ZFR2: variants seen among roughly 807,000 people sequenced by gnomAD.
ZFR2 encodes zinc finger RNA-binding protein 2.
In ZFR2, 104 loss-of-function variants were observed where a neutral mutation model predicts 105.7. The observed-to-expected ratio is 0.98, with a 90% confidence interval of 0.84 to 1.16. The LOEUF is 1.16. ZFR2 is among the 50% of genes most tolerant of loss of function. The probability of loss-of-function intolerance (pLI) is 0.00; values close to 1 mark genes in which losing one functional copy is unlikely to be tolerated. For synonymous variants in ZFR2, 634 were observed against 597.7 expected (o/e 1.06, Z -0.89); for missense variants, 1,425 against 1,355.5 (o/e 1.05, Z -0.80).
In ZFR2 at chr19:3,843,301, T is replaced by C. The variant is rs765475080; in HGVS notation, c.54-8318A>G. 1.7e-4 allele frequency among the ~76,000 whole-genome samples: 25 copies of C among 151,120 alleles called. 1 individual carries two copies. Among genetic ancestry groups the C allele is most frequent in the Admixed American group, 1.5e-3 (22 of 15,088 alleles). On this transcript the variant is annotated intron_variant, in intron 1 of 18. Coordinates refer to ENST00000262961, the MANE Select transcript of ZFR2 (RefSeq NM_015174.2). ...GCCTGGCCAACATGGTGAAACCCTGTCTCTACTAAAAATACAAAAAATAAC... is the reference window on the plus strand; with the variant it reads ...GCCTGGCCAACATGGTGAAACCCTGCCTCTACTAAAAATACAAAAAATAAC...
chr19:3,839,239 G>A (rs1007180873), intron 1 of ZFR2, among the ~76,000 whole-genome samples: 1 of 152,026 alleles, frequency 6.6e-6, no homozygotes, highest in African/African-American at 2.4e-5. Flanking sequence ...AAGTCGATTA[G>A]GAAAGTGGTC....
chr19:3,831,493 G>A lies in ZFR2; in HGVS notation c.662C>T (p.Ala221Val), dbSNP rs1369065740. The change falls in exon 5 of 19, where the codon GCG (alanine) becomes GTG (valine). Residue 221 changes from alanine to valine, a missense_variant. Ala to Val is a moderately conservative substitution (Grantham distance 64). Transcript: ENST00000262961. ...YSAASPFYPPAQPPPPPGPPQ... is the reference protein window; with the variant it reads ...YSAASPFYPPVQPPPPPGPPQ... ...GGGTCCCGGGGGAGGCGGGGGCTGC[G>A]CTGGAGGATAGAAAGGGCTGGCAGC... 26 of 1,551,524 alleles carry A rather than the reference G, an allele frequency of 1.7e-5. No homozygotes were observed. The highest frequency in any genetic ancestry group is 3.9e-5 in the Admixed American group (2 of 51,062).
At chr19:3,819,466 A>G (rs912394659) in intron 11 of ZFR2, among the ~76,000 whole-genome samples, 2 of 152,150 alleles carry the variant, frequency 1.3e-5, no homozygotes, top group Non-Finnish European at 2.9e-5. Context: ...AATGGGGGGA[A>G]ACTCCGCCAC....
intron 1 of ZFR2, among the ~76,000 whole-genome samples, chr19:3,853,254 C>G (rs187687187): frequency 8.5e-5 from 13 of 152,170 alleles, no homozygotes; most frequent in Non-Finnish European, 1.8e-4. Flanking sequence ...AGGCCCACAG[C>G]CCTCCCCGGG....
intron 1 of ZFR2, among the ~76,000 whole-genome samples, chr19:3,848,106 C>T (rs1047724041): frequency 7.2e-5 from 11 of 152,204 alleles, no homozygotes; most frequent in African/African-American, 2.4e-4. Flanking sequence ...GACCTGCTGC[C>T]TCTTTTGTAT....
In ZFR2 at chr19:3,823,295, G is replaced by A. The variant is rs761008204; in HGVS notation, c.1322C>T (p.Pro441Leu). The A allele has an allele frequency of 6.2e-7, 1 of 1,614,008 alleles. No individual in the cohort carries two copies. The highest frequency in any genetic ancestry group is 1.7e-5 in the Admixed American group (1 of 60,024). Residue 441 changes from proline to leucine, a missense_variant, in exon 8 of 19, where the codon CCC becomes CTC. Physicochemically the swap from Pro to Leu is moderately conservative, Grantham distance 98. Coordinates refer to ENST00000262961, the MANE Select transcript of ZFR2 (RefSeq NM_015174.2). This position sits in a 1 kb window ranked among gnomAD's most constrained non-coding sequence, Gnocchi z 5.4. ...CGGCTGCGCATCAGAGCAGCCCGCGGGAGCTTCCTTTGAGCCTCCTTGGGT... is the reference window on the plus strand; with the variant it reads ...CGGCTGCGCATCAGAGCAGCCCGCGAGAGCTTCCTTTGAGCCTCCTTGGGT... ...APTQGGSKEAPAGCSDAQPVG... is the reference protein window; with the variant it reads ...APTQGGSKEALAGCSDAQPVG...
intron 16 of ZFR2, among the ~76,000 whole-genome samples, chr19:3,810,178 G>C (rs909393398): frequency 2.6e-5 from 4 of 152,196 alleles, no homozygotes; most frequent in African/African-American, 9.6e-5. Flanking sequence ...GCGGGGGGGA[G>C]GCCGGGTGTG....
In ZFR2 at chr19:3,807,213, T is replaced by C. The variant is rs764240875; in HGVS notation, c.2602A>G (p.Met868Val). ...ACGTCTTCCCGCTCTTGGAGGGTCATGGGCTCGAGGGCATCTGTCTGGTCT... is the reference window on the plus strand; with the variant it reads ...ACGTCTTCCCGCTCTTGGAGGGTCACGGGCTCGAGGGCATCTGTCTGGTCT... The part of the protein sequence containing the change: ...ERDQTDALEP[M>V]TLQEREDVTA... Residue 868 changes from methionine to valine, a missense_variant, in exon 18 of 19, where the codon ATG becomes GTG. Coordinates refer to ENST00000262961, the MANE Select transcript of ZFR2 (RefSeq NM_015174.2). 29 of 1,560,138 alleles carry C rather than the reference T, an allele frequency of 1.9e-5. No individual in the cohort carries two copies. The highest frequency in any genetic ancestry group is 2.4e-5 in the Non-Finnish European group (28 of 1,151,520).
chr19:3,819,311 G>C (rs1474711025), intron 11 of ZFR2, 76 bp from the exon 12 acceptor site: 1 of 1,407,486 alleles, frequency 7.1e-7, no homozygotes, highest in African/African-American at 1.5e-5. Context: ...GGGCAGGTGG[G>C]GGCAGGTGGC....
Position 3,813,453 on chromosome 19 carries a change from C to T in ZFR2, c.2242+367G>A, listed in dbSNP as rs764500168. Among the ~76,000 whole-genome samples the T allele has an allele frequency of 3.9e-5, 6 of 152,176 alleles. No homozygotes were observed. Among genetic ancestry groups the T allele is most frequent in the African/African-American group, 9.6e-5 (4 of 41,458 alleles). On this transcript the variant is annotated intron_variant, in intron 14 of 18. Coordinates refer to ENST00000262961, the MANE Select transcript of ZFR2 (RefSeq NM_015174.2). This position sits in a 1 kb window ranked among gnomAD's most constrained non-coding sequence, Gnocchi z 4.4. ...GGACAGAGTCAAACTGAGCTTCTGC[C>T]GTGACCCAGGGGAAATGGCTCAGAC...
chr19:3,822,138 G>T lies in ZFR2; in HGVS notation c.1434C>A (p.Asn478Lys). Reference protein sequence around the residue: ...FHCKLCECSFNDLNAKDLHVR... With the variant: ...FHCKLCECSFKDLNAKDLHVR... ...CGTGCAGGTCCTTCGCGTTAAGGTCGTTGAAACTGCACTCGCACAGCTTGC... is the reference window on the plus strand; with the variant it reads ...CGTGCAGGTCCTTCGCGTTAAGGTCTTTGAAACTGCACTCGCACAGCTTGC... The change falls in exon 9 of 19, where the codon AAC becomes AAA. Residue 478 changes from asparagine (N) to lysine (K), a missense_variant. Physicochemically the swap from Asn to Lys is moderately conservative, Grantham distance 94. Transcript: ENST00000262961. The T allele has an allele frequency of 6.2e-7, 1 of 1,610,226 alleles. No homozygotes were observed. The highest frequency in any genetic ancestry group is 8.5e-7 in the Non-Finnish European group (1 of 1,178,580).
At position 3,831,746 on chromosome 19, in the gene ZFR2, G is replaced by A. The variant is rs1222999263; in HGVS notation, c.512C>T (p.Ala171Val). The change falls in exon 4 of 19, where the codon GCG (alanine) becomes GTG (valine). Residue 171 changes from alanine to valine, a missense_variant. Coordinates refer to ENST00000262961, the MANE Select transcript of ZFR2 (RefSeq NM_015174.2). ...TGACGACTCGGGCTGGACGCCTGTCGCCGTGGGGTAGGTGTATCCCGAGGA... is the reference window on the plus strand; with the variant it reads ...TGACGACTCGGGCTGGACGCCTGTCACCGTGGGGTAGGTGTATCCCGAGGA... ...TLSSGYTYPT[A>V]TGVQPESSAS... 6.2e-6 allele frequency: 10 copies of A among 1,606,680 alleles called. No individual in the cohort carries two copies. Among genetic ancestry groups the A allele is most frequent in the Non-Finnish European group, 8.5e-6 (10 of 1,176,990 alleles).
intron 16 of ZFR2, among the ~76,000 whole-genome samples, chr19:3,809,870 G>A (rs1197046234): frequency 1.3e-5 from 2 of 152,194 alleles, no homozygotes; most frequent in African/African-American, 4.8e-5. Flanking sequence ...CTTGAGCCCA[G>A]GAGGCAGAAG....
chr19:3,868,963 A>C lies in ZFR2; in HGVS notation c.53+2T>G. ...CGGGGGCTGGCGCGGCGGGGCAGTT[A>C]CCTGTACTGCGGGCCGCCGCCCTGC... is the stretch of plus-strand genomic sequence containing the variant. On this transcript the variant is annotated splice_donor_variant, in intron 1 of 18. Coordinates refer to ENST00000262961, the MANE Select transcript of ZFR2 (RefSeq NM_015174.2). LOFTEE classifies it high-confidence loss of function. The C allele has an allele frequency of 7.5e-7, 1 of 1,334,914 alleles. No homozygotes were observed. The highest frequency in any genetic ancestry group is 9.7e-7 in the Non-Finnish European group (1 of 1,033,586). The allele number at this position is 1,334,914 out of a possible 1,614,324, so 82.7% of individuals were successfully genotyped here.
At chr19:3,852,529 C>T (rs1022556328) in intron 1 of ZFR2, 19 of 718,464 alleles carry the variant, frequency 2.6e-5, no homozygotes, top group African/African-American at 2.1e-4. Flanking sequence ...GCAGTCACAG[C>T]GTCACTTCCA....
chr19:3,855,780 C>T (rs1225202627), intron 1 of ZFR2, among the ~76,000 whole-genome samples: 6 of 151,948 alleles, frequency 3.9e-5, no homozygotes, highest in Admixed American at 2.6e-4. Context: ...ATGGGAAGGG[C>T]CTGAGGGTGA....
At chr19:3,847,964 G>A (rs1316926814) in intron 1 of ZFR2, among the ~76,000 whole-genome samples, 2 of 152,340 alleles carry the variant, frequency 1.3e-5, no homozygotes, top group East Asian at 3.9e-4. Flanking sequence ...GAGACTGGGA[G>A]GACACCCACA....
intron 1 of ZFR2, among the ~76,000 whole-genome samples, chr19:3,846,943 T>C (rs2038190312): frequency 6.6e-6 from 1 of 152,222 alleles, no homozygotes; most frequent in Non-Finnish European, 1.5e-5. Flanking sequence ...GGGACGGGCT[T>C]CGGGCTTCTG....
At chr19:3,826,647 A>G (rs2037953659) in intron 6 of ZFR2, among the ~76,000 whole-genome samples, 1 of 151,742 alleles carries the variant, frequency 6.6e-6, no homozygotes, top group Admixed American at 6.6e-5. Flanking sequence ...CATGTTGGCC[A>G]GGCTGGTCTC....
Sources: allele counts gnomAD v4.1 joint callset (sites outside exome capture counted in the v4.1 genomes callset), GRCh38; gene constraint gnomAD v4.1.1; non-coding constraint Gnocchi (gnomAD v3.1); transcripts MANE v1.5; gene names NCBI Gene and HGNC (gene_info 2026-07-23, HGNC 2026-07-21).